Variants in WDR91 observed in about 807,000 individuals in gnomAD.
WDR91 encodes WD repeat domain 91.
In WDR91, 52 loss-of-function variants were observed where a neutral mutation model predicts 88.4. The observed-to-expected ratio is 0.59, with a 90% CI of 0.47 to 0.74. The LOEUF (loss-of-function observed/expected upper bound fraction) is 0.74, where lower values mean the gene tolerates loss of function less well. Among genes scored for constraint, WDR91 ranks in the 30% least tolerant of loss-of-function variants. The probability of loss-of-function intolerance (pLI) is 0.00; values close to 1 mark genes in which losing one functional copy is unlikely to be tolerated. For missense variants in WDR91, 824 were observed against 954.5 expected, an observed-to-expected ratio of 0.86 and a Z score of 1.80; for synonymous variants, 362 against 389.5, an observed-to-expected ratio of 0.93 and a Z score of 0.83.
intron 6 of WDR91, among the ~76,000 whole-genome samples, chr7:135,204,010 T>A (rs1585430972): frequency 6.6e-6 from 1 of 152,286 alleles, no homozygotes; most frequent in East Asian, 1.9e-4. Context: ...TTCGGTGGAT[T>A]TTCCTCCTCC....
rs551510117 is a variant in WDR91 at position 135,189,264 on chromosome 7, C to CA, written c.1768+79dup. ...TTGCAAAAGCCTCTAGCCCAGCTGG[C>CA]AAAAAAATCCAACGTCGGCAAAAAA... On this transcript the variant is annotated intron_variant, in intron 12 of 14. Transcript: ENST00000354475. 1.7e-4 allele frequency: 228 copies of CA among 1,326,928 alleles called. 1 individual carries two copies. The East Asian group carries it at 4.2e-3, about 24-fold the overall frequency. 82.2% of individuals were successfully genotyped at this position (1,326,928 alleles called of 1,614,324 possible). A position where few individuals can be genotyped will look rare whatever the true frequency, so the allele number is the denominator to read the frequency against.
At chr7:135,189,567 G>A in intron 11 of WDR91, 115 bp from the exon 12 acceptor site, 1 of 747,152 alleles carries the variant, frequency 1.3e-6, no homozygotes, top group Non-Finnish European at 2.2e-6. Context: ...CCTCCCTTAT[G>A]TAATCTGGAA....
intron 2 of WDR91, 22 bp downstream of exon 2, chr7:135,209,554 G>C: frequency 1.3e-6 from 2 of 1,516,842 alleles, no homozygotes; most frequent in Non-Finnish European, 1.8e-6. Context: ...AAGGGAAGCA[G>C]AACCCCTGAA....
At position 135,205,124 on chromosome 7, in the gene WDR91, T is replaced by C. The variant is rs898906914; in HGVS notation, c.726-691A>G. 5.0e-5 allele frequency among the ~76,000 whole-genome samples: 4 copies of C among 80,006 alleles called. No homozygotes were observed. In the East Asian group the frequency reaches 1.2e-3, roughly 24 times the overall value. The allele number at this position is 80,006 out of a possible 152,430, so 52.5% of individuals were successfully genotyped here. A position where few individuals can be genotyped will look rare whatever the true frequency, so the allele number is the denominator to read the frequency against. ...GTTTCTTCAACCACTACTATTATTA[T>C]CACCAGCTGGGGCTTCTGCTTTAAC... is the stretch of plus-strand genomic sequence containing the variant. On this transcript the variant is annotated intron_variant, in intron 5 of 14. Transcript: ENST00000354475.
chr7:135,206,190 T>G, intron 4 of WDR91, 132 bp from the exon 5 acceptor site: 1 of 1,111,896 alleles, frequency 9.0e-7, no homozygotes, highest in Non-Finnish European at 1.3e-6. Context: ...GGGGCCCATC[T>G]CACTCTGCTC....
rs1192953243 is a variant in WDR91, at chr7:135,195,103, G to A, written c.1245-19C>T. ...GTCCACTCTGAGATGAGAGAAAAGG[G>A]AGGCCTGTCAGCTGGCCTCTCAGTC... On this transcript the variant is annotated intron_variant, in intron 8 of 14. Coordinates refer to ENST00000354475, the MANE Select transcript of WDR91 (RefSeq NM_014149.4). The A allele has an allele frequency of 8.1e-6, 13 of 1,608,204 alleles. No individual in the cohort carries two copies. The highest frequency in any genetic ancestry group is 1.1e-5 in the Non-Finnish European group (13 of 1,177,186).
chr7:135,188,928 C>T (rs1167913955), intron 12 of WDR91, among the ~76,000 whole-genome samples: 1 of 152,172 alleles, frequency 6.6e-6, no homozygotes, highest in African/African-American at 2.4e-5. Flanking sequence ...GGGGACAGAG[C>T]CCAACCTGGG....
rs370300064 is a variant in WDR91, at chr7:135,211,399, T to C, written c.104A>G (p.Asp35Gly). 1.9e-6 allele frequency: 3 copies of C among 1,611,256 alleles called. No homozygotes were observed. Among genetic ancestry groups the C allele is most frequent in the Admixed American group, 1.7e-5 (1 of 59,918 alleles). ...LRQLDAEIKA[D>G]KEKGFRVDKI... The stretch of plus-strand genomic sequence containing the variant: ...TCTCACCCGGAACCCCTTCTCCTTG[T>C]CCGCCTTGATCTCGGCGTCCAGCTG... The change falls in exon 1 of 15, where the codon GAC (aspartate) becomes GGC (glycine). Residue 35 changes from aspartate to glycine, a missense_variant. Transcript: ENST00000354475.
Position 135,196,654 on chromosome 7 carries a change from G to A in WDR91, c.1051-317C>T, listed in dbSNP as rs1473592150. On this transcript the variant is annotated intron_variant, in intron 7 of 14. Transcript: ENST00000354475. This position sits in a 1 kb window ranked among gnomAD's most constrained non-coding sequence, Gnocchi z 4.2. ...TGCCTTGACAACAGGCCAGGCGGAGGATGCGTGGTGCAGGCCACACACCGC... is the reference window on the plus strand; with the variant it reads ...TGCCTTGACAACAGGCCAGGCGGAGAATGCGTGGTGCAGGCCACACACCGC... Among the ~76,000 whole-genome samples the A allele has an allele frequency of 6.6e-6, 1 of 152,198 alleles. No homozygotes were observed. The highest frequency in any genetic ancestry group is 1.5e-5 in the Non-Finnish European group (1 of 68,030).
In WDR91 at chr7:135,196,301, C is replaced by A; in HGVS notation, c.1087G>T (p.Ala363Ser). 1 of 1,589,766 alleles carries A rather than the reference C, an allele frequency of 6.3e-7. No homozygotes were observed. ...EKKPEASGPEAEPCPELHTEP... is the reference protein window; with the variant it reads ...EKKPEASGPESEPCPELHTEP... ...GTGTGGAGCTCTGGGCAGGGCTCAG[C>A]CTCTGGGCCACTGGCTTCTGGTTTC... Residue 363 changes from alanine to serine, a missense_variant, in exon 8 of 15, where the codon GCT (alanine) becomes TCT (serine). By Grantham distance (99) the Ala-to-Ser change is moderately conservative. Transcript: ENST00000354475. This position sits in a 1 kb window ranked among gnomAD's most constrained non-coding sequence, Gnocchi z 4.2.
chr7:135,194,828 G>A, intron 9 of WDR91, 106 bp downstream of exon 9: 2 of 1,446,840 alleles, frequency 1.4e-6, no homozygotes, highest in Non-Finnish European at 9.5e-7. Context: ...ATAATGGAGA[G>A]AAGGGAGGGG....
At chr7:135,200,351 T>C (rs938557085) in intron 6 of WDR91, 1 of 152,182 alleles carries the variant, frequency 6.6e-6, no homozygotes, top group Admixed American at 6.5e-5. Flanking sequence ...AACAAATCCA[T>C]AAAACTCTGG....
intron 8 of WDR91, 66 bp from the exon 9 acceptor site, chr7:135,195,150 C>A: frequency 6.6e-7 from 1 of 1,522,394 alleles, no homozygotes; most frequent in South Asian, 1.2e-5. Flanking sequence ...CTGCTAATGC[C>A]AAGATGATCA....
chr7:135,195,094 G>A lies in WDR91; in HGVS notation c.1245-10C>T, dbSNP rs756617692. On this transcript the variant is annotated splice_polypyrimidine_tract_variant and intron_variant, in intron 8 of 14. Transcript: ENST00000354475. Reference sequence around the variant, plus strand: ...CCCAGAGCAGTCCACTCTGAGATGAGAGAAAAGGGAGGCCTGTCAGCTGGC... The same window carrying A: ...CCCAGAGCAGTCCACTCTGAGATGAAAGAAAAGGGAGGCCTGTCAGCTGGC... 6.2e-7 allele frequency: 1 copy of A among 1,610,162 alleles called. No individual in the cohort carries two copies. Among genetic ancestry groups the A allele is most frequent in the African/African-American group, 1.3e-5 (1 of 74,950 alleles).
Position 135,193,658 on chromosome 7 carries a change from A to G in WDR91, c.1410T>C (p.Ser470=), listed in dbSNP as rs753408130. 3.7e-5 allele frequency: 59 copies of G among 1,613,972 alleles called. No individual in the cohort carries two copies. The highest frequency in any genetic ancestry group is 5.0e-5 in the Non-Finnish European group (59 of 1,179,936). The change falls in exon 10 of 15, where the codon AGT becomes AGC. Residue 470 remains serine (S), a synonymous_variant. Transcript: ENST00000354475. ...TKRDRLLLLG[S]GVGTVRLYDT... The stretch of plus-strand genomic sequence containing the variant: ...CATAGAGACGCACTGTTCCCACACC[A>G]CTGCCCAGCAAGAGCTGGAATGACA...
chr7:135,211,265 G>T, intron 1 of WDR91, 115 bp downstream of exon 1: 2 of 1,434,858 alleles, frequency 1.4e-6, no homozygotes, highest in Non-Finnish European at 9.1e-7. Context: ...GAGGTCTCCG[G>T]CGCCCCGGCG....
At chr7:135,189,484 G>C (rs1442824182) in intron 11 of WDR91, 32 bp from the exon 12 acceptor site, 2 of 1,586,372 alleles carry the variant, frequency 1.3e-6, no homozygotes, top group Non-Finnish European at 1.7e-6. Context: ...GTCAGTAGCA[G>C]ATCTTCACTC....
chr7:135,211,461 C>T lies in WDR91; in HGVS notation c.42G>A (p.Glu14=), dbSNP rs768271916. The T allele has an allele frequency of 6.2e-7, 1 of 1,612,170 alleles. No individual in the cohort carries two copies. Among genetic ancestry groups the T allele is most frequent in the Non-Finnish European group, 8.5e-7 (1 of 1,179,248 alleles). ...AVERTDELVR[E]YLLFRGFTHT... ...GCGTGAACCCGCGGAAGAGCAGGTA[C>T]TCCCGGACCAGCTCGTCAGTGCGCT... Residue 14 remains glutamate, a synonymous_variant, in exon 1 of 15, where the codon GAG becomes GAA. Transcript: ENST00000354475.
chr7:135,203,543 TA>T (rs1831649123), intron 6 of WDR91, among the ~76,000 whole-genome samples: 1 of 152,196 alleles, frequency 6.6e-6, no homozygotes, highest in African/African-American at 2.4e-5. Flanking sequence ...CAGTCTTCCA[TA>T]AAAGTGAGAA....
Sources: allele counts gnomAD v4.1 joint callset (sites outside exome capture counted in the v4.1 genomes callset), GRCh38; gene constraint gnomAD v4.1.1; non-coding constraint Gnocchi (gnomAD v3.1); transcripts MANE v1.5; gene names NCBI Gene and HGNC (gene_info 2026-07-23, HGNC 2026-07-21).